Variants in RSF1 observed in about 807,000 individuals in gnomAD.
RSF1 encodes the protein HBV pX-associated protein 8.
RSF1 carries 13 observed loss-of-function variants against 145.2 expected under a neutral mutation model. The observed-to-expected ratio is 0.09, with a 90% CI of 0.06 to 0.14. The LOEUF is 0.14. Among genes scored for constraint, RSF1 ranks in the 10% least tolerant of loss-of-function variants. The pLI, the probability that RSF1 is intolerant of heterozygous loss-of-function variation, is 1.00. For synonymous variants in RSF1, 577 were observed against 592.6 expected, an observed-to-expected ratio of 0.97 and a Z score of 0.38; for missense variants, 1,517 against 1,718.2, an observed-to-expected ratio of 0.88 and a Z score of 2.07.
intron 1 of RSF1, among the ~76,000 whole-genome samples, chr11:77,817,359 A>G (rs1420362923): frequency 1.3e-5 from 2 of 152,238 alleles, no homozygotes; most frequent in Non-Finnish European, 2.9e-5. Flanking sequence ...TTCCTGCTGC[A>G]TACTGACTTT....
chr11:77,686,408 C>CAAAAAAAAAAAAAAAAAAAAAAAAA lies in RSF1; in HGVS notation c.2901-1250_2901-1249insTTTTTTTTTTTTTTTTTTTTTTTTT, dbSNP rs564410248. ...GGGCATCAAGAGTGAGACCCTGTCT[C>CAAAAAAAAAAAAAAAAAAAAAAAAA]AAAAAAAAAAAAAAAAAAAAGCAGG... On this transcript the variant is annotated intron_variant, in intron 9 of 15. Coordinates refer to ENST00000308488, the MANE Select transcript of RSF1 (RefSeq NM_016578.4). Among the ~76,000 whole-genome samples the CAAAAAAAAAAAAAAAAAAAAAAAAA allele has an allele frequency of 1.3e-3, 49 of 37,102 alleles. 6 individuals are homozygous for CAAAAAAAAAAAAAAAAAAAAAAAAA. The highest frequency in any genetic ancestry group is 1.9e-3 in the Non-Finnish European group (39 of 21,044). 24.3% of individuals were successfully genotyped at this position (37,102 alleles called of 152,430 possible).
Position 77,734,797 on chromosome 11 carries a change from C to T in RSF1, c.578+5934G>A, listed in dbSNP as rs192134914. 341 of 1,594,300 alleles carry T rather than the reference C, an allele frequency of 2.1e-4. 1 individual carries two copies. The East Asian group carries it at 6.6e-3, about 31-fold the overall frequency. Reference sequence around the variant, plus strand: ...ATCCTGAAGGAAGATTCGGCCACCTCGTTGGTTCTGCAGCTTCATCAGTTT... The same window carrying T: ...ATCCTGAAGGAAGATTCGGCCACCTTGTTGGTTCTGCAGCTTCATCAGTTT... On this transcript the variant is annotated intron_variant, in intron 4 of 15. Transcript: ENST00000308488.
At chr11:77,747,555 C>T (rs1303940650) in intron 2 of RSF1, among the ~76,000 whole-genome samples, 1 of 152,230 alleles carries the variant, frequency 6.6e-6, no homozygotes, top group African/African-American at 2.4e-5. Context: ...CTCTCTTGAA[C>T]TCATTGTTCT....
chr11:77,809,807 G>C (rs924919980), intron 1 of RSF1, among the ~76,000 whole-genome samples: 2 of 152,152 alleles, frequency 1.3e-5, no homozygotes, highest in Admixed American at 6.5e-5. Context: ...AATACCAAAA[G>C]CAAGTTAGAA....
chr11:77,752,091 T>C (rs1219926606), intron 2 of RSF1, among the ~76,000 whole-genome samples: 1 of 152,190 alleles, frequency 6.6e-6, no homozygotes, highest in African/African-American at 2.4e-5. Context: ...AGAAATTATT[T>C]AGACAGACAG....
intron 11 of RSF1, among the ~76,000 whole-genome samples, chr11:77,683,298 C>A (rs1158878273): frequency 6.6e-6 from 1 of 151,924 alleles, no homozygotes; most frequent in Non-Finnish European, 1.5e-5. Context: ...TTGGAAAAAA[C>A]AAAACAAAAC....
intron 1 of RSF1, among the ~76,000 whole-genome samples, chr11:77,788,347 C>G (rs1442724305): frequency 6.6e-6 from 1 of 150,402 alleles, no homozygotes; most frequent in Non-Finnish European, 1.5e-5. Context: ...ATGACTATGA[C>G]TATAATCCAT....
At chr11:77,786,141 T>C (rs1948454630) in intron 1 of RSF1, among the ~76,000 whole-genome samples, 3 of 152,016 alleles carry the variant, frequency 2.0e-5, no homozygotes, top group Admixed American at 1.3e-4. Context: ...GTCACACAAA[T>C]ATCAAGTGGC....
intron 5 of RSF1, 94 bp downstream of exon 5, chr11:77,725,451 A>T: frequency 9.5e-7 from 1 of 1,052,924 alleles, no homozygotes; most frequent in Non-Finnish European, 1.2e-6. Context: ...ATTCAAATTG[A>T]GATAGAAATT....
chr11:77,806,787 A>G (rs1286645390), intron 1 of RSF1, among the ~76,000 whole-genome samples: 3 of 152,174 alleles, frequency 2.0e-5, no homozygotes, highest in Non-Finnish European at 4.4e-5. Flanking sequence ...TGAGTGAAAA[A>G]ACAAGGGAGG....
the RSF1 span, among the ~76,000 whole-genome samples, chr11:77,832,855 T>C: frequency 3.3e-5 from 5 of 151,642 alleles, no homozygotes; most frequent in African/African-American, 1.2e-4. Flanking sequence ...AAGGGACCAG[T>C]ATTGTGAAAG....
Position 77,747,117 on chromosome 11 carries a change from C to T in RSF1, c.291G>A (p.Glu97=), listed in dbSNP as rs1565168431. 1 of 1,607,434 alleles carries T rather than the reference C, an allele frequency of 6.2e-7. No homozygotes were observed. The highest frequency in any genetic ancestry group is 8.5e-7 in the Non-Finnish European group (1 of 1,174,796). ...WEKYLIKICQ[E]FNSTWAWEME... is the part of the protein sequence containing the mutation. ...TCTCCCATGCCCAGGTACTGTTAAA[C>T]TCTTGGCATATCTGTCAGATAAAGT... Residue 97 remains glutamate, a synonymous_variant, in exon 3 of 16, where the codon GAG becomes GAA. Transcript: ENST00000308488.
At chr11:77,866,134 AG>A in the RSF1 span, among the ~76,000 whole-genome samples, 1 of 152,226 alleles carries the variant, frequency 6.6e-6, no homozygotes, top group South Asian at 2.1e-4. Context: ...CTTCTTTGGA[AG>A]AGTAGTTTAG....
chr11:77,723,241 C>T, intron 5 of RSF1, among the ~76,000 whole-genome samples: 1 of 152,112 alleles, frequency 6.6e-6, no homozygotes, highest in South Asian at 2.1e-4. Context: ...GGAGGGTCGC[C>T]TGAGGCCAAG....
Position 77,746,356 on chromosome 11 carries a change from T to C in RSF1, c.372+680A>G, listed in dbSNP as rs139031690. Among the ~76,000 whole-genome samples, 148 of 152,254 alleles carry C rather than the reference T, an allele frequency of 9.7e-4. 3 individuals carry two copies. In the East Asian group the frequency reaches 0.026, roughly 27 times the overall value. ...CAGCAAAATAACACCTACTCTATAG[T>C]CTTATCTAGCTCCAAAATAGTAATA... is the stretch of plus-strand genomic sequence containing the variant. On this transcript the variant is annotated intron_variant, in intron 3 of 15. Coordinates refer to ENST00000308488, the MANE Select transcript of RSF1 (RefSeq NM_016578.4).
chr11:77,820,697 T>C lies in RSF1; in HGVS notation c.18A>G (p.Ala6=), dbSNP rs1000003919. MATAA[A]AAAVMAPPGC... is the part of the protein sequence containing the mutation. ...CCGGAGGAGCCATCACCGCCGCCGC[T>C]GCCGCCGCCGTCGCCATTTTGAACT... The change falls in exon 1 of 16, where the codon GCA becomes GCG. Residue 6 remains alanine (A), a synonymous_variant. Coordinates refer to ENST00000308488, the MANE Select transcript of RSF1 (RefSeq NM_016578.4). 3.9e-6 allele frequency: 6 copies of C among 1,549,920 alleles called. No individual in the cohort carries two copies. The Admixed American group carries it at 5.9e-5, about 15-fold the overall frequency.
At position 77,725,259 on chromosome 11, in the gene RSF1, T is replaced by C. The variant is rs372873419; in HGVS notation, c.733+286A>G. Reference sequence around the variant, plus strand: ...AATTTTATGTTATATTTTGCCACAATAAAAAAGTTCATTAAATGTCTTCAC... The same window carrying C: ...AATTTTATGTTATATTTTGCCACAACAAAAAAGTTCATTAAATGTCTTCAC... On this transcript the variant is annotated intron_variant, in intron 5 of 15. Transcript: ENST00000308488. Among the ~76,000 whole-genome samples, 7 of 152,294 alleles carry C rather than the reference T, an allele frequency of 4.6e-5. No homozygotes were observed. In the East Asian group the frequency reaches 1.3e-3, roughly 29 times the overall value.
chr11:77,736,278 A>T (rs528592341), intron 4 of RSF1, among the ~76,000 whole-genome samples: 3 of 152,248 alleles, frequency 2.0e-5, no homozygotes, highest in African/African-American at 7.2e-5. Context: ...ATTCTTCTAC[A>T]AATCAATCCT....
chr11:77,837,403 T>A, the RSF1 span, among the ~76,000 whole-genome samples: 1 of 151,564 alleles, frequency 6.6e-6, no homozygotes, highest in Non-Finnish European at 1.5e-5. Context: ...CCCAAAATGC[T>A]GGCATCACAG....
Sources: gnomAD v4.1 joint callset for allele counts (sites outside exome capture counted in the v4.1 genomes callset) on GRCh38, gnomAD v4.1.1 for gene constraint, MANE v1.5 for transcripts, NCBI Gene and HGNC (gene_info 2026-07-23, HGNC 2026-07-21) for gene names.